SMCHD1: variants seen among roughly 807,000 people sequenced by gnomAD.
SMCHD1 encodes structural maintenance of chromosomes flexible hinge domain containing 1.
SMCHD1 carries 78 observed loss-of-function variants against 254.7 expected under a neutral mutation model. The observed-to-expected ratio is 0.31, with a 90% CI of 0.26 to 0.37. SMCHD1 has a LOEUF of 0.37. SMCHD1 is among the 10% of genes least tolerant of loss of function. SMCHD1 has a pLI of 1.00. For missense variants in SMCHD1, 1,840 were observed against 2,408.1 expected (o/e 0.76, Z 4.94); for synonymous variants, 766 against 794.9 (o/e 0.96, Z 0.61).
At chr18:2,784,895 T>G (rs1568384741) in intron 45 of SMCHD1, 2 of 487,834 alleles carry the variant, frequency 4.1e-6, no homozygotes, top group Non-Finnish European at 8.0e-6. Context: ...GAGTGTCGCT[T>G]GAGCCCAGGA....
chr18:2,723,654 TCTC>T (rs1228214513), intron 20 of SMCHD1, among the ~76,000 whole-genome samples: 1 of 152,130 alleles, frequency 6.6e-6, no homozygotes, highest in Non-Finnish European at 1.5e-5. Flanking sequence ...GATAACCTCT[TCTC>T]TTCTTTTTAG....
intron 30 of SMCHD1, among the ~76,000 whole-genome samples, chr18:2,748,384 A>ATGTG (rs60959284): frequency 4.4e-5 from 3 of 68,280 alleles, no homozygotes; most frequent in African/African-American, 2.1e-4. Context: ...GTGTGTGTGT[A>ATGTG]TATAAATTTT....
At chr18:2,760,518 G>T in intron 34 of SMCHD1, 134 bp from the exon 35 acceptor site, 1 of 610,850 alleles carries the variant, frequency 1.6e-6, no homozygotes, top group South Asian at 2.0e-5. Context: ...AACGAATGAA[G>T]GTCAATATAC....
chr18:2,796,034 T>C lies in SMCHD1; in HGVS notation c.5805T>C (p.Thr1935=). The C allele has an allele frequency of 6.3e-7, 1 of 1,590,190 alleles. No homozygotes were observed. The highest frequency in any genetic ancestry group is 1.8e-5 in the Admixed American group (1 of 55,584). The change falls in exon 46 of 48, where the codon ACT becomes ACC. Residue 1935 remains threonine, a synonymous_variant. Coordinates refer to ENST00000320876, the MANE Select transcript of SMCHD1 (RefSeq NM_015295.3). ...ACAGTCAATTAGAGTACCTTCGCAC[T>C]CCGGATATGAGGAAGAAAAAGCAAG... ...DLNSQLEYLR[T]PDMRKKKQEL... is the part of the protein sequence containing the mutation.
chr18:2,784,714 T>A lies in SMCHD1; in HGVS notation c.5719+93T>A, dbSNP rs962986444. On this transcript the variant is annotated intron_variant, in intron 45 of 47. Transcript: ENST00000320876. ...TGTTTTGAGAATCTAACATGAAAAA[T>A]TAACAAATGTAAGTAAGTAACAAAT... 7.5e-6 allele frequency: 10 copies of A among 1,328,226 alleles called. No homozygotes were observed. The African/African-American group carries it at 8.9e-5, about 12-fold the overall frequency. The allele number at this position is 1,328,226 out of a possible 1,614,324, so 82.3% of individuals were successfully genotyped here.
chr18:2,756,903 T>G (rs1302220984), intron 34 of SMCHD1, among the ~76,000 whole-genome samples: 1 of 151,494 alleles, frequency 6.6e-6, no homozygotes, highest in East Asian at 1.9e-4. Context: ...CTTGACACTA[T>G]TTGTACTCTC....
chr18:2,660,217 G>A (rs1386161257), intron 1 of SMCHD1, among the ~76,000 whole-genome samples: 2 of 152,046 alleles, frequency 1.3e-5, no homozygotes, highest in African/African-American at 2.4e-5. Context: ...CCAGCTACTC[G>A]AGAGGCTGAG....
rs573481287 is a variant in SMCHD1, at chr18:2,781,034, C to T, written c.5547+2795C>T. 3.9e-5 allele frequency among the ~76,000 whole-genome samples: 6 copies of T among 152,302 alleles called. No homozygotes were observed. The South Asian group carries it at 1.2e-3, about 32-fold the overall frequency. ...TAATGCCAGATTTTTGCAGTGAGAA[C>T]GTTTGCCAAACTAATTGAACTTAAG... On this transcript the variant is annotated intron_variant, in intron 44 of 47. Coordinates refer to ENST00000320876, the MANE Select transcript of SMCHD1 (RefSeq NM_015295.3).
intron 24 of SMCHD1, among the ~76,000 whole-genome samples, chr18:2,730,753 C>T (rs1408136286): frequency 6.6e-6 from 1 of 152,186 alleles, no homozygotes; most frequent in Admixed American, 6.5e-5. Flanking sequence ...ATTAACATAG[C>T]TTGAACCTCA....
chr18:2,747,010 C>T (rs1474641594), intron 29 of SMCHD1, among the ~76,000 whole-genome samples: 1 of 152,128 alleles, frequency 6.6e-6, no homozygotes, highest in Non-Finnish European at 1.5e-5. Flanking sequence ...CATGTTACTG[C>T]TTTTAATGCA....
At chr18:2,669,637 A>G (rs626474) in intron 3 of SMCHD1, among the ~76,000 whole-genome samples, 26,782 of 152,158 alleles carry the variant, frequency 0.18, 5,812 homozygotes, top group African/African-American at 0.52. Context: ...ACATCATTAC[A>G]GAAGTGACTC....
In SMCHD1 at chr18:2,689,877, A is replaced by AGCCGGGTG. The variant is rs1312835353; in HGVS notation, c.873+1131_873+1138dup. Among the ~76,000 whole-genome samples, 3 of 137,846 alleles carry AGCCGGGTG rather than the reference A, an allele frequency of 2.2e-5. No individual in the cohort carries two copies. In the East Asian group the frequency reaches 6.4e-4, roughly 29 times the overall value. 90.4% of individuals were successfully genotyped at this position (137,846 alleles called of 152,430 possible). On this transcript the variant is annotated intron_variant, in intron 7 of 47. Coordinates refer to ENST00000320876, the MANE Select transcript of SMCHD1 (RefSeq NM_015295.3). The stretch of plus-strand genomic sequence containing the variant: ...TAAAAAAAAAAAAAAAAAAAAAAAA[A>AGCCGGGTG]GCCGGGTGTGGTGGTGTGCGCCTGT...
chr18:2,658,316 CT>C lies in SMCHD1; in HGVS notation c.186+2059del, dbSNP rs546151460. Among the ~76,000 whole-genome samples, 630 of 152,264 alleles carry C rather than the reference CT, an allele frequency of 4.1e-3. 4 individuals are homozygous for C. The highest frequency in any genetic ancestry group is 0.015 in the African/African-American group (609 of 41,534). On this transcript the variant is annotated intron_variant, in intron 1 of 47. Coordinates refer to ENST00000320876, the MANE Select transcript of SMCHD1 (RefSeq NM_015295.3). Reference sequence around the variant, plus strand: ...GATAAATAGAGGAAGTATTATTGGCCTTTTATTACAGAAGTATAAACACAGT... The same window carrying C: ...GATAAATAGAGGAAGTATTATTGGCCTTTATTACAGAAGTATAAACACAGT...
intron 1 of SMCHD1, among the ~76,000 whole-genome samples, chr18:2,656,801 G>A (rs1319836425): frequency 2.0e-5 from 3 of 152,158 alleles, no homozygotes; most frequent in African/African-American, 4.8e-5. Context: ...GGGGCGGCGG[G>A]GGGGATCCTT....
chr18:2,726,000 A>G (rs2075020888), intron 21 of SMCHD1, among the ~76,000 whole-genome samples: 1 of 151,648 alleles, frequency 6.6e-6, no homozygotes, highest in Non-Finnish European at 1.5e-5. Context: ...ACTTTTTTTT[A>G]CTTGTCTCCA....
In SMCHD1 at chr18:2,695,375, T is replaced by C. The variant is rs140398772; in HGVS notation, c.1040+682T>C. On this transcript the variant is annotated intron_variant, in intron 8 of 47. Transcript: ENST00000320876. ...CCCAGGCTGGAGTGCAATGGCGCACTCTTGGCTCACTGCAACCACCACCTC... is the reference window on the plus strand; with the variant it reads ...CCCAGGCTGGAGTGCAATGGCGCACCCTTGGCTCACTGCAACCACCACCTC... 4.4e-3 allele frequency among the ~76,000 whole-genome samples: 673 copies of C among 151,452 alleles called. 7 individuals are homozygous for C. Among genetic ancestry groups the C allele is most frequent in the African/African-American group, 0.015 (616 of 41,188 alleles).
At chr18:2,706,226 C>T (rs1024419588) in intron 14 of SMCHD1, 138 bp from the exon 15 acceptor site, 16 of 543,080 alleles carry the variant, frequency 2.9e-5, no homozygotes, top group African/African-American at 3.8e-5. Context: ...TGTGGTGTAA[C>T]GTAAGAATAG....
intron 5 of SMCHD1, among the ~76,000 whole-genome samples, chr18:2,675,543 G>C (rs904242078): frequency 1.3e-5 from 2 of 152,200 alleles, no homozygotes; most frequent in Non-Finnish European, 2.9e-5. Context: ...GATTACAGGC[G>C]TGAGCCACTG....
chr18:2,673,133 T>TTA (rs2073656996), intron 3 of SMCHD1, 148 bp from the exon 4 acceptor site: 1 of 1,293,748 alleles, frequency 7.7e-7, no homozygotes, highest in East Asian at 2.9e-5. Context: ...GATGATGCCT[T>TTA]TATTATGTAT....
Sources: allele counts gnomAD v4.1 joint callset (sites outside exome capture counted in the v4.1 genomes callset), GRCh38; gene constraint gnomAD v4.1.1; transcripts MANE v1.5; gene names NCBI Gene and HGNC (gene_info 2026-07-23, HGNC 2026-07-21).